Variants in PCDH15 observed in about 807,000 individuals in gnomAD.
PCDH15 encodes protocadherin-15.
A neutral mutation model predicts 178.5 loss-of-function variants in PCDH15; 129 were observed. The observed-to-expected ratio is 0.72, with a 90% confidence interval of 0.63 to 0.84. The LOEUF is 0.84. Among genes scored for constraint, PCDH15 ranks in the 40% least tolerant of loss-of-function variants. PCDH15 has a pLI of 0.00. For synonymous variants in PCDH15, 800 were observed against 732.0 expected, an observed-to-expected ratio of 1.09 and a Z score of -1.50; for missense variants, 2,230 against 2,099.9, an observed-to-expected ratio of 1.06 and a Z score of -1.21.
chr10:55,521,039 C>T (rs1237336771), intron 2 of PCDH15, among the ~76,000 whole-genome samples: 1 of 151,890 alleles, frequency 6.6e-6, no homozygotes, highest in African/African-American at 2.4e-5. Context: ...GTATATTAGA[C>T]TCCCCAGAAT....
chr10:54,393,435 T>C (rs1267531456), intron 3 of PCDH15, among the ~76,000 whole-genome samples: 1 of 152,138 alleles, frequency 6.6e-6, no homozygotes, highest in Non-Finnish European at 1.5e-5. Context: ...ACTCAGAATA[T>C]GATAGTTGCC....
intron 2 of PCDH15, among the ~76,000 whole-genome samples, chr10:55,389,796 C>G (rs1211917341): frequency 6.6e-6 from 1 of 151,828 alleles, no homozygotes; most frequent in Non-Finnish European, 1.5e-5. Flanking sequence ...CTTTGAAGCT[C>G]TAGGAGAAAT....
At chr10:54,782,354 T>G (rs1950446538) in intron 1 of PCDH15, among the ~76,000 whole-genome samples, 1 of 152,120 alleles carries the variant, frequency 6.6e-6, no homozygotes, top group African/African-American at 2.4e-5. Context: ...ATCTTTAAAA[T>G]TAGGCTAATA....
chr10:54,101,662 G>C (rs1221619971), intron 15 of PCDH15, among the ~76,000 whole-genome samples: 1 of 152,106 alleles, frequency 6.6e-6, no homozygotes, highest in South Asian at 2.1e-4. Flanking sequence ...TGCTAAAAAA[G>C]AAACCTTAAA....
chr10:53,930,800 T>C (rs533291657), intron 25 of PCDH15, among the ~76,000 whole-genome samples: 1 of 152,266 alleles, frequency 6.6e-6, no homozygotes, highest in South Asian at 2.1e-4. Context: ...GGAGATGGAT[T>C]TGAAACTGAA....
chr10:54,178,146 A>C (rs985032037), intron 13 of PCDH15, among the ~76,000 whole-genome samples: 10 of 152,172 alleles, frequency 6.6e-5, no homozygotes, highest in African/African-American at 2.4e-4. Flanking sequence ...AGTTTTTCAT[A>C]AAAGGGTATA....
At chr10:55,157,620 T>C (rs1265036685) in intron 2 of PCDH15, among the ~76,000 whole-genome samples, 3 of 151,356 alleles carry the variant, frequency 2.0e-5, no homozygotes, top group South Asian at 2.1e-4. Context: ...GAATACTATG[T>C]AGCCATAAAA....
At chr10:53,916,053 C>T (rs2083500274) in intron 25 of PCDH15, among the ~76,000 whole-genome samples, 1 of 152,096 alleles carries the variant, frequency 6.6e-6, no homozygotes, top group Non-Finnish European at 1.5e-5. Flanking sequence ...ACACATCTTC[C>T]CATATCAATC....
chr10:54,841,203 A>T (rs1953411790), intron 3 of PCDH15, among the ~76,000 whole-genome samples: 1 of 151,900 alleles, frequency 6.6e-6, no homozygotes, highest in Non-Finnish European at 1.5e-5. Context: ...TAAAAGACAG[A>T]AATTATATGA....
intron 1 of PCDH15, among the ~76,000 whole-genome samples, chr10:55,267,909 T>C (rs910652819): frequency 1.3e-5 from 2 of 152,152 alleles, no homozygotes; most frequent in Non-Finnish European, 2.9e-5. Flanking sequence ...GAAATATAGT[T>C]GTCCAATTGT....
intron 7 of PCDH15, among the ~76,000 whole-genome samples, chr10:54,327,840 G>C (rs1185271905): frequency 3.9e-5 from 6 of 151,996 alleles, no homozygotes; most frequent in Non-Finnish European, 8.8e-5. Flanking sequence ...TATTAATTTA[G>C]AGCAGTTTTA....
chr10:54,010,495 A>G (rs2092544968), intron 20 of PCDH15, among the ~76,000 whole-genome samples: 1 of 152,152 alleles, frequency 6.6e-6, no homozygotes, highest in African/African-American at 2.4e-5. Context: ...GCAAACGCCC[A>G]GCACAGCACG....
intron 2 of PCDH15, among the ~76,000 whole-genome samples, chr10:54,985,597 T>G (rs1839344190): frequency 6.6e-6 from 1 of 152,200 alleles, no homozygotes; most frequent in Admixed American, 6.5e-5. Flanking sequence ...GAGTACTGAT[T>G]ATTTACCCTG....
rs1370301090 is a variant in PCDH15, at chr10:54,140,293, TTTC to T, written c.1785-7289_1785-7287del. Among the ~76,000 whole-genome samples, 12 of 152,176 alleles carry T rather than the reference TTTC, an allele frequency of 7.9e-5. No individual in the cohort carries two copies. In the East Asian group the frequency reaches 1.5e-3, roughly 20 times the overall value. On this transcript the variant is annotated intron_variant, in intron 14 of 37. Transcript: ENST00000644397. Reference sequence around the variant, plus strand: ...TTCTGCATCACATACCTAAAGTGAATTTCTTAGTTACAGAAAATGTATAGTGGT... The same window carrying T: ...TTCTGCATCACATACCTAAAGTGAATTTAGTTACAGAAAATGTATAGTGGT...
chr10:55,283,470 C>A (rs1315277745), intron 1 of PCDH15, among the ~76,000 whole-genome samples: 1 of 151,912 alleles, frequency 6.6e-6, no homozygotes, highest in Admixed American at 6.6e-5. Context: ...TTCTCTATTG[C>A]AATTCCCCTG....
chr10:54,274,616 T>TTGTGTGTGTGTGTG (rs3069673), intron 8 of PCDH15, among the ~76,000 whole-genome samples: 1 of 144,660 alleles, frequency 6.9e-6, no homozygotes, highest in Non-Finnish European at 1.5e-5. Flanking sequence ...CTCAGTTTAA[T>TTGTGTGTGTGTGTG]TGTGTGTGTG....
intron 3 of PCDH15, among the ~76,000 whole-genome samples, chr10:54,864,000 A>C (rs1027082265): frequency 2.0e-5 from 3 of 152,194 alleles, no homozygotes; most frequent in African/African-American, 4.8e-5. Context: ...CCCTTTAAAA[A>C]TCCATCATGC....
At chr10:54,759,427 T>A (rs1442130455) in intron 1 of PCDH15, among the ~76,000 whole-genome samples, 1 of 152,190 alleles carries the variant, frequency 6.6e-6, no homozygotes, top group Non-Finnish European at 1.5e-5. Flanking sequence ...AATAAAGTTC[T>A]GTACTAATAT....
At chr10:53,866,887 T>C (rs554572176) in intron 26 of PCDH15, 30 bp from the exon 27 acceptor site, 10 of 1,467,890 alleles carry the variant, frequency 6.8e-6, no homozygotes, top group Non-Finnish European at 9.5e-6. Flanking sequence ...AAAGAGATTA[T>C]AATTAAGCAG....
Sources: gnomAD v4.1 joint callset for allele counts (sites outside exome capture counted in the v4.1 genomes callset) on GRCh38, gnomAD v4.1.1 for gene constraint, MANE v1.5 for transcripts, NCBI Gene and HGNC (gene_info 2026-07-23, HGNC 2026-07-21) for gene names.